ANKRD55: variants seen among roughly 807,000 people sequenced by gnomAD.
ANKRD55 encodes the protein ankyrin repeat domain 55.
In ANKRD55, 41 loss-of-function variants were observed where a neutral mutation model predicts 60.6. The observed-to-expected ratio is 0.68, with a 90% CI of 0.53 to 0.88. ANKRD55 has a LOEUF of 0.88. Among genes scored for constraint, ANKRD55 ranks in the 40% least tolerant of loss-of-function variants. ANKRD55 has a pLI of 0.00. For synonymous variants in ANKRD55, 264 were observed against 290.3 expected, an observed-to-expected ratio of 0.91 and a Z score of 0.92; for missense variants, 732 against 767.6, an observed-to-expected ratio of 0.95 and a Z score of 0.55.
At chr5:56,192,786 C>A in intron 2 of ANKRD55, 2 of 957,232 alleles carry the variant, frequency 2.1e-6, no homozygotes, top group African/African-American at 1.7e-5. Flanking sequence ...ACAGACATCG[C>A]TGAAAACCTC....
intron 4 of ANKRD55, among the ~76,000 whole-genome samples, chr5:56,172,443 G>A (rs1298722202): frequency 1.3e-5 from 2 of 152,138 alleles, no homozygotes. Context: ...AGAAAGGCAT[G>A]CTGGGCAAAT....
At chr5:56,144,036 G>C in intron 6 of ANKRD55, 107 bp from the exon 7 acceptor site, 1 of 1,410,756 alleles carries the variant, frequency 7.1e-7, no homozygotes, top group South Asian at 1.2e-5. Flanking sequence ...AGATGCGTTG[G>C]TTGTTTCCTG....
chr5:56,099,852 A>G lies in ANKRD55; in HGVS notation c.*331T>C, dbSNP rs1041691094. On this transcript the variant is annotated 3_prime_UTR_variant, in exon 12 of 12. Transcript: ENST00000341048. ...AAAACATAAAATCATTCAGCAAAAA[A>G]ACAACCAAAGAACAATAACAAAAAA... 1 of 176,192 alleles carries G rather than the reference A, an allele frequency of 5.7e-6. No individual in the cohort carries two copies. Among genetic ancestry groups the G allele is most frequent in the African/African-American group, 2.4e-5 (1 of 42,220 alleles). 10.9% of individuals were successfully genotyped at this position (176,192 alleles called of 1,614,324 possible).
At chr5:56,162,060 C>G (rs1406620964) in intron 5 of ANKRD55, 1 of 985,112 alleles carries the variant, frequency 1.0e-6, no homozygotes, top group African/African-American at 1.7e-5. Flanking sequence ...CTCTCTAGGG[C>G]CCATTTGGTC....
intron 2 of ANKRD55, among the ~76,000 whole-genome samples, chr5:56,222,897 G>A (rs1376892966): frequency 6.6e-6 from 1 of 152,186 alleles, no homozygotes; most frequent in Non-Finnish European, 1.5e-5. Flanking sequence ...TGAAAGTGAC[G>A]GGGAGAATGG....
intron 10 of ANKRD55, among the ~76,000 whole-genome samples, chr5:56,109,679 T>A (rs185510636): frequency 3.3e-3 from 507 of 152,282 alleles, no homozygotes; most frequent in Middle Eastern, 0.01. Flanking sequence ...TTTAGTGCGA[T>A]AAATTTATTT....
chr5:56,111,503 T>C lies in ANKRD55; in HGVS notation c.1245A>G (p.Lys415=). 6.2e-6 allele frequency: 10 copies of C among 1,614,152 alleles called. No individual in the cohort carries two copies. The highest frequency in any genetic ancestry group is 8.5e-6 in the Non-Finnish European group (10 of 1,180,028). Residue 415 remains lysine, a synonymous_variant, in exon 10 of 12, where the codon AAA becomes AAG. Transcript: ENST00000341048. ...GCGGTTTCTTTTCTGGTAAGAGATATTTTGAATTGTCTGAGGTTTTCTTCT... is the reference window on the plus strand; with the variant it reads ...GCGGTTTCTTTTCTGGTAAGAGATACTTTGAATTGTCTGAGGTTTTCTTCT... ...EFKKKTSDNS[K]YLLPEKKPLA...
At chr5:56,174,095 G>A (rs976836852) in intron 4 of ANKRD55, among the ~76,000 whole-genome samples, 2 of 152,112 alleles carry the variant, frequency 1.3e-5, no homozygotes, top group Admixed American at 6.6e-5. Flanking sequence ...GGAGATGGGG[G>A]CAGAGTTAAA....
Position 56,135,281 on chromosome 5 carries a change from TGCCTGCC to T in ANKRD55, c.613-8182_613-8176del, listed in dbSNP as rs1561263904. On this transcript the variant is annotated intron_variant, in intron 7 of 11. Transcript: ENST00000341048. ...TTCCTTCTTTCCCTCCCTCCCTCCC[TGCCTGCC>T]TGCTTGCTTTCTTTCTTTCTTTCTT... Among the ~76,000 whole-genome samples, 234 of 47,242 alleles carry T rather than the reference TGCCTGCC, an allele frequency of 5.0e-3. 6 individuals are homozygous for T. Among genetic ancestry groups the T allele is most frequent in the Admixed American group, 0.023 (129 of 5,716 alleles). The allele number at this position is 47,242 out of a possible 152,430, so 31.0% of individuals were successfully genotyped here.
chr5:56,167,656 A>G (rs1365536137), intron 5 of ANKRD55, among the ~76,000 whole-genome samples: 1 of 152,206 alleles, frequency 6.6e-6, no homozygotes, highest in Admixed American at 6.5e-5. Flanking sequence ...TGGACAATAT[A>G]ACTAACTACG....
At chr5:56,161,759 T>C (rs1385669003) in intron 5 of ANKRD55, among the ~76,000 whole-genome samples, 2 of 152,142 alleles carry the variant, frequency 1.3e-5, no homozygotes, top group East Asian at 3.9e-4. Context: ...GATTGAGTGA[T>C]CCAACAGGCA....
chr5:56,199,732 T>A (rs2111855833), intron 2 of ANKRD55, among the ~76,000 whole-genome samples: 1 of 150,578 alleles, frequency 6.6e-6, no homozygotes, highest in South Asian at 2.1e-4. Flanking sequence ...CTACTAAAAG[T>A]ACAAAAAAAT....
chr5:56,192,879 G>A, intron 2 of ANKRD55: 1 of 651,540 alleles, frequency 1.5e-6, no homozygotes, highest in Non-Finnish European at 2.7e-6. Context: ...AAAGCTACAT[G>A]GGCCCAGCGT....
At chr5:56,127,313 A>C (rs969631963) in intron 7 of ANKRD55, 3 of 985,316 alleles carry the variant, frequency 3.0e-6, no homozygotes, top group African/African-American at 3.5e-5. Context: ...AAGTCACTGC[A>C]GAGATTTTTG....
intron 8 of ANKRD55, among the ~76,000 whole-genome samples, chr5:56,122,905 A>G (rs989381140): frequency 2.0e-5 from 3 of 151,676 alleles, no homozygotes; most frequent in Admixed American, 6.6e-5. Context: ...AGCTGGGACT[A>G]CAGGCATGTA....
At chr5:56,189,011 G>A (rs1328878682) in intron 2 of ANKRD55, among the ~76,000 whole-genome samples, 1 of 151,884 alleles carries the variant, frequency 6.6e-6, no homozygotes, top group African/African-American at 2.4e-5. Context: ...TGAGGTCTAT[G>A]GTCTCAATTA....
rs1756695213 is a variant in ANKRD55 at position 56,111,433 on chromosome 5, G to A, written c.1315C>T (p.Pro439Ser). The change falls in exon 10 of 12, where the codon CCC becomes TCC. Residue 439 changes from proline to serine, a missense_variant. Transcript: ENST00000341048. ...AGGAAGTTATTGCCCAGGGTGATGGGTGGGAGACTCTGCGTTCTGATTGGT... is the reference window on the plus strand; with the variant it reads ...AGGAAGTTATTGCCCAGGGTGATGGATGGGAGACTCTGCGTTCTGATTGGT... The part of the protein sequence containing the change: ...LPPIRTQSLP[P>S]ITLGNNFLTA... The A allele has an allele frequency of 6.2e-7, 1 of 1,614,058 alleles. No homozygotes were observed. The highest frequency in any genetic ancestry group is 1.3e-5 in the African/African-American group (1 of 74,928).
At chr5:56,110,790 G>A (rs967908255) in intron 10 of ANKRD55, among the ~76,000 whole-genome samples, 6 of 152,166 alleles carry the variant, frequency 3.9e-5, no homozygotes, top group Non-Finnish European at 1.5e-5. Flanking sequence ...CTCCTCACAG[G>A]TATTTGCCAC....
At chr5:56,185,308 T>C (rs546120246) in intron 2 of ANKRD55, among the ~76,000 whole-genome samples, 24 of 152,068 alleles carry the variant, frequency 1.6e-4, no homozygotes, top group Non-Finnish European at 3.4e-4. Flanking sequence ...AGAGGAGGCC[T>C]CCAGGGAGAG....
Sources: allele counts gnomAD v4.1 joint callset (sites outside exome capture counted in the v4.1 genomes callset), GRCh38; gene constraint gnomAD v4.1.1; transcripts MANE v1.5; gene names NCBI Gene and HGNC (gene_info 2026-07-23, HGNC 2026-07-21).